Variants in CHL1 observed in about 807,000 individuals in gnomAD.
CHL1 encodes cell adhesion molecule L1 like, also known as neural cell adhesion molecule L1-like protein.
In CHL1, 96 loss-of-function variants were observed where a neutral mutation model predicts 141.9. That is an observed-to-expected ratio of 0.68 (90% CI 0.57 to 0.80). The LOEUF (loss-of-function observed/expected upper bound fraction) is 0.80, where lower values mean the gene tolerates loss of function less well. CHL1 is among the 30% of genes least tolerant of loss of function. CHL1 has a pLI of 0.00. For synonymous variants in CHL1, 613 were observed against 502.2 expected (o/e 1.22, Z -2.95); for missense variants, 1,820 against 1,457.2 (o/e 1.25, Z -4.05).
intron 27 of CHL1, among the ~76,000 whole-genome samples, chr3:403,489 G>T (rs1470319064): frequency 6.6e-6 from 1 of 152,146 alleles, no homozygotes; most frequent in African/African-American, 2.4e-5. Flanking sequence ...GGAGGTTGCA[G>T]TAAGCTGAGA....
intron 6 of CHL1, 123 bp downstream of exon 6, chr3:341,039 G>C (rs1203562944): frequency 1.0e-6 from 1 of 998,478 alleles, no homozygotes; most frequent in African/African-American, 1.7e-5. Flanking sequence ...CATATTTGAA[G>C]AGGAGATGCT....
At chr3:326,198 A>G in intron 4 of CHL1, 134 bp downstream of exon 4, 1 of 524,718 alleles carries the variant, frequency 1.9e-6, no homozygotes, top group Non-Finnish European at 3.3e-6. Context: ...AAAAAATCAT[A>G]TCCATGCAAA....
chr3:308,077 T>A (rs1024282461), intron 2 of CHL1, among the ~76,000 whole-genome samples: 2 of 152,184 alleles, frequency 1.3e-5, no homozygotes, highest in Admixed American at 6.5e-5. Flanking sequence ...AGCCCAGCAA[T>A]GTTCAGCTCA....
In CHL1 at chr3:314,329, GTATATATATATATATATA is replaced by G. The variant is rs56292297; in HGVS notation, c.-94-5330_-94-5313del. On this transcript the variant is annotated intron_variant, in intron 2 of 27. Coordinates refer to ENST00000256509, the MANE Select transcript of CHL1 (RefSeq NM_006614.4). ...TCTCTTTCTCTCTCTCTCTCTATGTGTATATATATATATATATATATATATATATATATATATATATCT... is the reference window on the plus strand; with the variant it reads ...TCTCTTTCTCTCTCTCTCTCTATGTGTATATATATATATATATATATATCT... Among the ~76,000 whole-genome samples, 45 of 65,330 alleles carry G rather than the reference GTATATATATATATATATA, an allele frequency of 6.9e-4. 2 individuals carry two copies. The highest frequency in any genetic ancestry group is 2.4e-3 in the South Asian group (3 of 1,232). The allele number at this position is 65,330 out of a possible 152,430, so 42.9% of individuals were successfully genotyped here. A position where few individuals can be genotyped will look rare whatever the true frequency, so the allele number is the denominator to read the frequency against.
At chr3:236,183 C>T (rs1470041550) in intron 1 of CHL1, among the ~76,000 whole-genome samples, 1 of 152,104 alleles carries the variant, frequency 6.6e-6, no homozygotes, top group African/African-American at 2.4e-5. Flanking sequence ...GCTGGTTTCC[C>T]AGGAGCTTTG....
intron 2 of CHL1, among the ~76,000 whole-genome samples, chr3:274,604 A>T (rs948943850): frequency 1.3e-5 from 2 of 152,188 alleles, no homozygotes; most frequent in African/African-American, 4.8e-5. Context: ...TACTCTAGTG[A>T]GCTGTAGGCT....
chr3:205,410 A>G (rs1699340554), intron 1 of CHL1, among the ~76,000 whole-genome samples: 1 of 152,116 alleles, frequency 6.6e-6, no homozygotes. Flanking sequence ...CACCTTACAC[A>G]GCCCAGATTT....
chr3:329,661 A>G (rs970262057), intron 5 of CHL1, among the ~76,000 whole-genome samples: 1 of 151,992 alleles, frequency 6.6e-6, no homozygotes, highest in Non-Finnish European at 1.5e-5. Flanking sequence ...ACAAAAGTAA[A>G]TAGAATAAAT....
At chr3:228,934 A>T (rs190757702) in intron 1 of CHL1, among the ~76,000 whole-genome samples, 311 of 152,336 alleles carry the variant, frequency 2.0e-3, no homozygotes, top group African/African-American at 7.1e-3. Flanking sequence ...AAGGAAAAAA[A>T]AACTGATTTA....
intron 2 of CHL1, among the ~76,000 whole-genome samples, chr3:296,757 TTATA>T (rs1461281240): frequency 6.6e-6 from 1 of 152,136 alleles, no homozygotes; most frequent in Admixed American, 6.5e-5. Flanking sequence ...TTTTATATAT[TTATA>T]TAAACAAAAC....
chr3:302,289 T>C (rs1052258596), intron 2 of CHL1, among the ~76,000 whole-genome samples: 2 of 152,240 alleles, frequency 1.3e-5, no homozygotes, highest in African/African-American at 4.8e-5. Context: ...TCAAATGGTA[T>C]TTCTAGTTCT....
rs1434122858 is a variant in CHL1, at chr3:406,860, T to G, written c.*1149T>G. The G allele has an allele frequency of 6.6e-6, 1 of 152,110 alleles. No individual in the cohort carries two copies. Among genetic ancestry groups the G allele is most frequent in the South Asian group, 2.1e-4 (1 of 4,832 alleles). The allele number at this position is 152,110 out of a possible 1,614,324, so 9.4% of individuals were successfully genotyped here. ...AATATCATATAAATATTGAGGGAAA[T>G]GTTTTCATATTTTTCAAAATAGGTT... On this transcript the variant is annotated 3_prime_UTR_variant, in exon 28 of 28. Coordinates refer to ENST00000256509, the MANE Select transcript of CHL1 (RefSeq NM_006614.4).
At chr3:215,591 C>T (rs967697238) in intron 1 of CHL1, among the ~76,000 whole-genome samples, 4 of 152,094 alleles carry the variant, frequency 2.6e-5, no homozygotes, top group South Asian at 2.1e-4. Flanking sequence ...TTTCAGGAGA[C>T]GGATATGCGA....
chr3:256,027 A>G (rs1370549169), intron 2 of CHL1, among the ~76,000 whole-genome samples: 1 of 152,202 alleles, frequency 6.6e-6, no homozygotes, highest in Non-Finnish European at 1.5e-5. Flanking sequence ...TTCCCCAAAG[A>G]ATAGTGAGTT....
At chr3:197,634 G>GT (rs1030078371) in intron 1 of CHL1, 3 of 367,024 alleles carry the variant, frequency 8.2e-6, no homozygotes, top group South Asian at 2.0e-5. Flanking sequence ...CCAGCCCGGG[G>GT]GGGGTTCCGA....
intron 11 of CHL1, among the ~76,000 whole-genome samples, chr3:356,564 A>G (rs1703734551): frequency 6.6e-6 from 1 of 152,220 alleles, no homozygotes; most frequent in South Asian, 2.1e-4. Flanking sequence ...TAGCTGGGTA[A>G]GGGCAGTGCC....
chr3:232,093 C>T (rs1056195236), intron 1 of CHL1, among the ~76,000 whole-genome samples: 17 of 152,064 alleles, frequency 1.1e-4, no homozygotes, highest in African/African-American at 2.9e-4. Flanking sequence ...GCTGACGAGA[C>T]GTTATGCTTG....
At chr3:372,833 T>C (rs1324003820) in intron 15 of CHL1, among the ~76,000 whole-genome samples, 6 of 152,098 alleles carry the variant, frequency 3.9e-5, no homozygotes, top group African/African-American at 1.4e-4. Flanking sequence ...TTCTTTTTTT[T>C]TTTTCTTTCA....
chr3:204,852 G>A (rs930483045), intron 1 of CHL1, among the ~76,000 whole-genome samples: 4 of 151,938 alleles, frequency 2.6e-5, no homozygotes, highest in African/African-American at 9.7e-5. Flanking sequence ...ATGCTTTTTA[G>A]AAAATTTTTC....
Sources: gnomAD v4.1 joint callset for allele counts (sites outside exome capture counted in the v4.1 genomes callset) on GRCh38, gnomAD v4.1.1 for gene constraint, MANE v1.5 for transcripts, NCBI Gene and HGNC (gene_info 2026-07-23, HGNC 2026-07-21) for gene names.